FAM13A: variants seen among roughly 807,000 people sequenced by gnomAD.
FAM13A encodes family with sequence similarity 13 member A.
A neutral mutation model predicts 129.6 loss-of-function variants in FAM13A; 76 were observed. The ratio of observed to expected loss-of-function variants is 0.59; its 90% CI spans 0.49 to 0.71. FAM13A has a LOEUF of 0.71. Ranked by LOEUF, FAM13A falls within the 30% of genes least tolerant of loss-of-function variation. The pLI is 0.00. For synonymous variants in FAM13A, 443 were observed against 449.9 expected, an observed-to-expected ratio of 0.98 and a Z score of 0.20; for missense variants, 1,108 against 1,249.3, an observed-to-expected ratio of 0.89 and a Z score of 1.70.
intron 7 of FAM13A, among the ~76,000 whole-genome samples, chr4:88,816,103 T>C (rs955559771): frequency 3.2e-4 from 48 of 152,198 alleles, no homozygotes; most frequent in Middle Eastern, 6.9e-3. Context: ...TCTATCATTA[T>C]ATAAGAAAAA....
chr4:89,033,161 T>C (rs948685042), intron 1 of FAM13A, among the ~76,000 whole-genome samples: 2 of 150,606 alleles, frequency 1.3e-5, no homozygotes, highest in African/African-American at 2.5e-5. Flanking sequence ...CTCTCTCTAA[T>C]TGATTAAAAT....
intron 6 of FAM13A, among the ~76,000 whole-genome samples, chr4:88,856,632 T>C (rs1025275259): frequency 6.6e-6 from 1 of 152,242 alleles, no homozygotes; most frequent in African/African-American, 2.4e-5. Flanking sequence ...GAAAATTATA[T>C]TCAAGGCTTA....
intron 6 of FAM13A, among the ~76,000 whole-genome samples, chr4:88,852,738 T>C (rs537515311): frequency 6.6e-6 from 1 of 152,320 alleles, no homozygotes; most frequent in South Asian, 2.1e-4. Context: ...TGTGAGACAA[T>C]CCACTTGTCA....
At chr4:88,932,198 C>G (rs1489700139) in intron 5 of FAM13A, among the ~76,000 whole-genome samples, 1 of 152,194 alleles carries the variant, frequency 6.6e-6, no homozygotes, top group Non-Finnish European at 1.5e-5. Flanking sequence ...TACTTTGCCT[C>G]TAATCAGTAC....
Position 89,056,873 on chromosome 4 carries a change from G to T in FAM13A, c.27+65C>A, listed in dbSNP as rs1319936689. ...TACACAAACATCTCATCAAAACAAG[G>T]AAGGCAAGGCCCTCTCCTAAAAACT... On this transcript the variant is annotated intron_variant, in intron 1 of 23. Transcript: ENST00000264344. 8 of 1,469,528 alleles carry T rather than the reference G, an allele frequency of 5.4e-6. No homozygotes were observed. In the African/African-American group the frequency reaches 1.1e-4, roughly 21 times the overall value. The allele number at this position is 1,469,528 out of a possible 1,614,324, so 91.0% of individuals were successfully genotyped here. A position where few individuals can be genotyped will look rare whatever the true frequency, so the allele number is the denominator to read the frequency against.
At chr4:88,994,362 A>G (rs764692711) in intron 3 of FAM13A, among the ~76,000 whole-genome samples, 3 of 152,204 alleles carry the variant, frequency 2.0e-5, no homozygotes, top group Non-Finnish European at 4.4e-5. Context: ...TATCTGGTAA[A>G]TATTACCATT....
chr4:88,955,413 T>A (rs1329507839), intron 4 of FAM13A, among the ~76,000 whole-genome samples: 1 of 152,148 alleles, frequency 6.6e-6, no homozygotes, highest in East Asian at 1.9e-4. Context: ...TAAACCTCTT[T>A]CCTTTATAAA....
chr4:88,823,079 G>A (rs1732343171), intron 7 of FAM13A: 2 of 1,600,276 alleles, frequency 1.2e-6, no homozygotes, highest in Non-Finnish European at 1.7e-6. Context: ...TACAGTGAAC[G>A]TCTTCTTACA....
At chr4:89,020,875 T>C (rs565664367) in intron 2 of FAM13A, among the ~76,000 whole-genome samples, 61 of 152,314 alleles carry the variant, frequency 4.0e-4, no homozygotes, top group African/African-American at 1.4e-3. Context: ...TAAAAGATCA[T>C]ATATGATTGG....
chr4:88,832,575 A>G (rs1369417802), intron 7 of FAM13A, among the ~76,000 whole-genome samples: 2 of 152,212 alleles, frequency 1.3e-5, no homozygotes, highest in Non-Finnish European at 2.9e-5. Context: ...GGGCAAGGAC[A>G]TGAACAGACA....
At chr4:88,930,032 C>T (rs1265889200) in intron 5 of FAM13A, among the ~76,000 whole-genome samples, 1 of 151,200 alleles carries the variant, frequency 6.6e-6, no homozygotes, top group Admixed American at 6.6e-5. Flanking sequence ...AGCCACCGAG[C>T]TCATTTTTTT....
intron 2 of FAM13A, among the ~76,000 whole-genome samples, chr4:89,025,245 G>GTTGTTT (rs1767781429): frequency 1.6e-5 from 1 of 61,360 alleles, no homozygotes; most frequent in Admixed American, 2.3e-4. Context: ...TGGAATCATT[G>GTTGTTT]TTTTTTTTTT....
chr4:88,901,791 C>A (rs990141015), intron 6 of FAM13A, among the ~76,000 whole-genome samples: 1 of 151,462 alleles, frequency 6.6e-6, no homozygotes, highest in South Asian at 2.1e-4. Context: ...AAAAACCCTT[C>A]AAAAAAAATC....
intron 3 of FAM13A, among the ~76,000 whole-genome samples, chr4:89,020,201 C>A (rs77732870): frequency 0.049 from 7,329 of 150,754 alleles, 281 homozygotes; most frequent in South Asian, 0.23. Context: ...ATGGAAAGAC[C>A]ACAAATATTT....
chr4:88,949,086 T>C (rs1756476481), intron 4 of FAM13A, among the ~76,000 whole-genome samples: 1 of 152,256 alleles, frequency 6.6e-6, no homozygotes, highest in South Asian at 2.1e-4. Flanking sequence ...TCTTCACCTT[T>C]ATTTCTAGCC....
chr4:88,949,847 C>T (rs971933623), intron 4 of FAM13A, among the ~76,000 whole-genome samples: 5 of 152,128 alleles, frequency 3.3e-5, no homozygotes, highest in Non-Finnish European at 1.5e-5. Flanking sequence ...ATAAACAGTT[C>T]CACTTGTTAA....
At chr4:88,916,266 G>C (rs1168794352) in intron 5 of FAM13A, among the ~76,000 whole-genome samples, 2 of 152,154 alleles carry the variant, frequency 1.3e-5, no homozygotes, top group Non-Finnish European at 2.9e-5. Flanking sequence ...AAGACATCAA[G>C]CATCATTAAG....
chr4:89,014,920 G>T (rs867320251), intron 3 of FAM13A, among the ~76,000 whole-genome samples: 5 of 152,206 alleles, frequency 3.3e-5, no homozygotes, highest in Non-Finnish European at 7.3e-5. Context: ...TGAGAGCTGG[G>T]CAGAACAGAG....
At chr4:88,943,895 C>A (rs904843771) in intron 4 of FAM13A, among the ~76,000 whole-genome samples, 1 of 152,118 alleles carries the variant, frequency 6.6e-6, no homozygotes. Context: ...CTGAAGGACA[C>A]ATTTTTTTTC....
Sources: gnomAD v4.1 joint callset for allele counts (sites outside exome capture counted in the v4.1 genomes callset) on GRCh38, gnomAD v4.1.1 for gene constraint, MANE v1.5 for transcripts, NCBI Gene and HGNC (gene_info 2026-07-23, HGNC 2026-07-21) for gene names.